Variants in DPF3 observed in about 807,000 individuals in gnomAD.
The protein encoded by DPF3 is double PHD fingers 3.
DPF3 carries 18 observed loss-of-function variants against 56.8 expected under a neutral mutation model. That is an observed-to-expected ratio of 0.32 (90% CI 0.22 to 0.47). The LOEUF is 0.47. Ranked by LOEUF, DPF3 falls within the 20% of genes least tolerant of loss-of-function variation. The pLI, the probability that DPF3 is intolerant of heterozygous loss-of-function variation, is 1.00. For synonymous variants in DPF3, 188 were observed against 180.2 expected (o/e 1.04, Z -0.35); for missense variants, 403 against 488.8 (o/e 0.82, Z 1.65).
At chr14:72,883,718 A>G (rs1886404877) in intron 1 of DPF3, among the ~76,000 whole-genome samples, 1 of 152,180 alleles carries the variant, frequency 6.6e-6, no homozygotes, top group African/African-American at 2.4e-5. Flanking sequence ...ACTTGAGGTC[A>G]GGAGATCGAG....
At chr14:72,809,795 G>A (rs557855988) in intron 1 of DPF3, among the ~76,000 whole-genome samples, 9 of 152,194 alleles carry the variant, frequency 5.9e-5, no homozygotes, top group South Asian at 2.1e-4. Context: ...CAATGCAAAC[G>A]GCCACTGACC....
At position 72,619,315 on chromosome 14, in the gene DPF3, G is replaced by A. The variant is rs1485354727; in HGVS notation, c.1119C>T (p.Ala373=). ...TGGGGCCCTAGGCCTGGCAGCCAAA[G>A]GCTGAGGCTTTCTCTTTGAGCAGTT... The part of the protein sequence containing the change: ...CWELLKEKAS[A]FGCQA The change falls in exon 11 of 11, where the codon GCC becomes GCT. Residue 373 remains alanine, a synonymous_variant. Transcript: ENST00000556509. 2.0e-6 allele frequency: 3 copies of A among 1,536,024 alleles called. No homozygotes were observed. The African/African-American group carries it at 4.1e-5, about 21-fold the overall frequency.
At chr14:72,802,483 A>T (rs1037875821) in intron 1 of DPF3, among the ~76,000 whole-genome samples, 2 of 152,192 alleles carry the variant, frequency 1.3e-5, no homozygotes, top group African/African-American at 4.8e-5. Context: ...CTTGAGAGTC[A>T]CATAGATATC....
intron 1 of DPF3, among the ~76,000 whole-genome samples, chr14:72,802,827 G>A (rs1438904607): frequency 5.3e-5 from 8 of 152,188 alleles, no homozygotes; most frequent in Non-Finnish European, 7.3e-5. Flanking sequence ...ATGAATGGCA[G>A]AGATCTTTGA....
chr14:72,833,029 G>T (rs1884128103), intron 1 of DPF3, among the ~76,000 whole-genome samples: 1 of 152,246 alleles, frequency 6.6e-6, no homozygotes, highest in South Asian at 2.1e-4. Flanking sequence ...GGAGTTGGAA[G>T]TTTATCCTTC....
chr14:72,724,585 C>A (rs550294748), intron 4 of DPF3, among the ~76,000 whole-genome samples: 129 of 152,128 alleles, frequency 8.5e-4, no homozygotes, highest in African/African-American at 3.0e-3. Flanking sequence ...ATGTGTTCCT[C>A]TGGGCTTAAG....
intron 5 of DPF3, among the ~76,000 whole-genome samples, chr14:72,718,124 T>C (rs1365157942): frequency 2.0e-5 from 3 of 152,010 alleles, no homozygotes; most frequent in Admixed American, 2.0e-4. Flanking sequence ...GCAGGAAGAA[T>C]GAAGGAGGGA....
At chr14:72,798,530 T>C (rs1363955473) in intron 1 of DPF3, among the ~76,000 whole-genome samples, 2 of 152,242 alleles carry the variant, frequency 1.3e-5, no homozygotes, top group Non-Finnish European at 2.9e-5. Flanking sequence ...TTTCTGGCAC[T>C]GAGGATTACA....
chr14:72,871,745 C>T (rs889136137), intron 1 of DPF3, among the ~76,000 whole-genome samples: 1 of 152,220 alleles, frequency 6.6e-6, no homozygotes, highest in Admixed American at 6.5e-5. Flanking sequence ...CTCCCTCCTG[C>T]GTACTTTCAC....
At chr14:72,682,948 A>G (rs886968042) in intron 7 of DPF3, among the ~76,000 whole-genome samples, 1 of 152,224 alleles carries the variant, frequency 6.6e-6, no homozygotes, top group Non-Finnish European at 1.5e-5. Flanking sequence ...GAAAAAAGGA[A>G]TTAAAAGGAA....
At chr14:72,632,844 G>C (rs1885248430) in intron 8 of DPF3, among the ~76,000 whole-genome samples, 1 of 127,454 alleles carries the variant, frequency 7.8e-6, no homozygotes, top group African/African-American at 3.0e-5. Context: ...AAAGGGAGAG[G>C]GGAGGGGGAA....
chr14:72,708,789 G>A (rs149414501), intron 6 of DPF3, among the ~76,000 whole-genome samples: 7 of 152,282 alleles, frequency 4.6e-5, no homozygotes, highest in South Asian at 2.1e-4. Context: ...ACAGTTTCCC[G>A]TGGTATTCCC....
chr14:72,767,523 A>G (rs1213104449), intron 2 of DPF3, among the ~76,000 whole-genome samples: 2 of 152,178 alleles, frequency 1.3e-5, no homozygotes, highest in Non-Finnish European at 2.9e-5. Flanking sequence ...GCTTAACAGC[A>G]GAAGGCAGAG....
intron 7 of DPF3, among the ~76,000 whole-genome samples, chr14:72,675,077 C>T (rs994690113): frequency 9.2e-5 from 14 of 152,176 alleles, no homozygotes; most frequent in Non-Finnish European, 1.8e-4. Flanking sequence ...ATGGATTAAA[C>T]GGTGAGTTAC....
rs187455666 is a variant in DPF3 at position 72,720,355 on chromosome 14, G to C, written c.525+3278C>G. Among the ~76,000 whole-genome samples, 29 of 151,518 alleles carry C rather than the reference G, an allele frequency of 1.9e-4. 1 individual carries two copies. On this transcript the variant is annotated intron_variant, in intron 5 of 10. Transcript: ENST00000556509. ...AAACATAATAATTATAAAAAATAAA[G>C]CATGGGCAAAACAGCTGAACTGAGG...
chr14:72,648,111 G>A (rs1283455009), intron 8 of DPF3, among the ~76,000 whole-genome samples: 1 of 152,214 alleles, frequency 6.6e-6, no homozygotes, highest in Non-Finnish European at 1.5e-5. Flanking sequence ...GTGCTGAGCA[G>A]TCGTGGTTTC....
chr14:72,809,124 T>C (rs1319695941), intron 1 of DPF3, among the ~76,000 whole-genome samples: 1 of 152,210 alleles, frequency 6.6e-6, no homozygotes, highest in African/African-American at 2.4e-5. Context: ...GTGTCTACTT[T>C]CCCTTTGACC....
chr14:72,859,929 C>T (rs921901231), intron 1 of DPF3, among the ~76,000 whole-genome samples: 5 of 150,954 alleles, frequency 3.3e-5, no homozygotes, highest in African/African-American at 1.2e-4. Context: ...AGAATACCAC[C>T]CAACTACCCA....
intron 6 of DPF3, among the ~76,000 whole-genome samples, chr14:72,699,517 CAAAAAAAAAAA>C (rs35540991): frequency 3.2e-5 from 2 of 61,590 alleles, no homozygotes; most frequent in African/African-American, 5.8e-5. Flanking sequence ...GATTCTGTCT[CAAAAAAAAAAA>C]AAAAAAAAAA....
Sources: allele counts gnomAD v4.1 joint callset (sites outside exome capture counted in the v4.1 genomes callset), GRCh38; gene constraint gnomAD v4.1.1; transcripts MANE v1.5; gene names NCBI Gene and HGNC (gene_info 2026-07-23, HGNC 2026-07-21).